Variants in THSD7B observed in about 807,000 individuals in gnomAD.
THSD7B encodes the protein thrombospondin type-1 domain-containing protein 7B.
Under a neutral mutation model 213.6 loss-of-function variants are expected in THSD7B, and 138 were observed. The observed-to-expected ratio is 0.65, with a 90% CI of 0.56 to 0.74. The LOEUF is 0.74. Among genes scored for constraint, THSD7B ranks in the 30% least tolerant of loss-of-function variants. The probability of loss-of-function intolerance (pLI) is 0.00; values close to 1 mark genes in which losing one functional copy is unlikely to be tolerated. For missense variants in THSD7B, 1,931 were observed against 1,991.5 expected (o/e 0.97, Z 0.58); for synonymous variants, 742 against 687.0 (o/e 1.08, Z -1.25).
chr2:137,542,853 T>C (rs1205087400), intron 15 of THSD7B, among the ~76,000 whole-genome samples: 1 of 151,720 alleles, frequency 6.6e-6, no homozygotes, highest in Non-Finnish European at 1.5e-5. Flanking sequence ...AGCCTGAAAA[T>C]ACACCAAAAC....
chr2:137,062,749 A>G (rs577033462), intron 3 of THSD7B, among the ~76,000 whole-genome samples: 1 of 151,930 alleles, frequency 6.6e-6, no homozygotes, highest in Admixed American at 6.6e-5. Context: ...TGAATATTTT[A>G]TGTGAACTCG....
At chr2:137,057,742 C>T (rs965833569) in intron 3 of THSD7B, among the ~76,000 whole-genome samples, 3 of 152,096 alleles carry the variant, frequency 2.0e-5, no homozygotes, top group Non-Finnish European at 4.4e-5. Flanking sequence ...AGCAATAATA[C>T]CGAAAAGTTG....
intron 12 of THSD7B, among the ~76,000 whole-genome samples, chr2:137,294,372 C>G (rs1275112428): frequency 6.6e-6 from 1 of 151,850 alleles, no homozygotes; most frequent in Non-Finnish European, 1.5e-5. Flanking sequence ...CACCTGAGGT[C>G]AAGAGTTCGA....
chr2:137,663,575 G>A lies in THSD7B; in HGVS notation c.4651G>A (p.Asp1551Asn). ...ATGGTCTCTTCAACCACTTGATCCA[G>A]GTGAGTTTCAGTTGTGAGTAAGAAA... The part of the protein sequence containing the change: ...KGWSLQPLDP[D>N]GRVKIWVYGV... The change falls in exon 26 of 28, where the codon GAT (aspartate) becomes AAT (asparagine). Residue 1551 changes from aspartate to asparagine, a missense_variant and splice_region_variant. Transcript: ENST00000409968. 4 of 1,601,282 alleles carry A rather than the reference G, an allele frequency of 2.5e-6. No individual in the cohort carries two copies. Among genetic ancestry groups the A allele is most frequent in the East Asian group, 4.5e-5 (2 of 44,606 alleles).
At chr2:136,874,211 G>A (rs1162544582) in intron 1 of THSD7B, among the ~76,000 whole-genome samples, 1 of 152,152 alleles carries the variant, frequency 6.6e-6, no homozygotes, top group Non-Finnish European at 1.5e-5. Context: ...GGAAACAACC[G>A]ACTATCTTTG....
At chr2:137,205,069 T>G (rs1680954218) in intron 7 of THSD7B, among the ~76,000 whole-genome samples, 1 of 152,086 alleles carries the variant, frequency 6.6e-6, no homozygotes, top group Non-Finnish European at 1.5e-5. Context: ...ATTTCTTTGT[T>G]GACTCCAGGT....
chr2:137,107,534 C>A lies in THSD7B; in HGVS notation c.1200-7590C>A, dbSNP rs576981805. ...CATGTATCCCAGAATTTGAAGTATA[C>A]CACTAATAACAAAAGTAGAGGAGTC... is the stretch of plus-strand genomic sequence containing the variant. On this transcript the variant is annotated intron_variant, in intron 4 of 27. Coordinates refer to ENST00000409968, the MANE Select transcript of THSD7B (RefSeq NM_001316349.2). Among the ~76,000 whole-genome samples, 14 of 152,160 alleles carry A rather than the reference C, an allele frequency of 9.2e-5. 1 individual carries two copies. In the South Asian group the frequency reaches 2.7e-3, roughly 29 times the overall value.
At chr2:137,571,855 A>G (rs1397975618) in intron 16 of THSD7B, among the ~76,000 whole-genome samples, 1 of 152,128 alleles carries the variant, frequency 6.6e-6, no homozygotes, top group African/African-American at 2.4e-5. Flanking sequence ...ACTGAAATGC[A>G]GAAGTTACCT....
chr2:137,077,652 G>A (rs913770267), intron 3 of THSD7B, among the ~76,000 whole-genome samples: 52 of 151,976 alleles, frequency 3.4e-4, no homozygotes, highest in African/African-American at 9.9e-4. Flanking sequence ...CATATCCTTC[G>A]CCCACTTTTT....
chr2:136,822,107 C>A (rs1433077120), intron 1 of THSD7B, among the ~76,000 whole-genome samples: 1 of 152,224 alleles, frequency 6.6e-6, no homozygotes, highest in East Asian at 1.9e-4. Context: ...CATAATTGTA[C>A]GATGACTTGG....
At chr2:137,069,463 T>C (rs542376709) in intron 3 of THSD7B, among the ~76,000 whole-genome samples, 2 of 152,140 alleles carry the variant, frequency 1.3e-5, no homozygotes, top group Non-Finnish European at 1.5e-5. Flanking sequence ...TCAATGGGTT[T>C]TACTTTTACT....
chr2:137,178,661 C>T (rs1680402332), intron 7 of THSD7B, among the ~76,000 whole-genome samples: 1 of 152,134 alleles, frequency 6.6e-6, no homozygotes, highest in Non-Finnish European at 1.5e-5. Context: ...CAGAGTTTCC[C>T]CATCCACATT....
In THSD7B at chr2:137,394,420, T is replaced by G. The variant is rs550715398; in HGVS notation, c.2501-11193T>G. Among the ~76,000 whole-genome samples the G allele has an allele frequency of 1.4e-4, 19 of 138,960 alleles. 4 individuals carry two copies. The South Asian group carries it at 4.2e-3, about 31-fold the overall frequency. The allele number at this position is 138,960 out of a possible 152,430, so 91.2% of individuals were successfully genotyped here. A position where few individuals can be genotyped will look rare whatever the true frequency, so the allele number is the denominator to read the frequency against. On this transcript the variant is annotated intron_variant, in intron 12 of 27. Transcript: ENST00000409968. ...CCAGCACTGTTTATTAAATAGGGAA[T>G]CCTTTCCCCATTGCTTGTTTTTCTC...
rs1263784231 is a variant in THSD7B, at chr2:137,405,777, G to A, written c.2665G>A (p.Ala889Thr). 1 of 1,613,060 alleles carries A rather than the reference G, an allele frequency of 6.2e-7. No individual in the cohort carries two copies. Among genetic ancestry groups the A allele is most frequent in the Non-Finnish European group, 8.5e-7 (1 of 1,179,520 alleles). ...KFTPCSTNCE[A>T]TKSRRRQLTG... Reference sequence around the variant, plus strand: ...TACGCCCTGCTCCACGAACTGTGAAGCCACAAAAAGTAGGCGGCGACAGCT... The same window carrying A: ...TACGCCCTGCTCCACGAACTGTGAAACCACAAAAAGTAGGCGGCGACAGCT... The change falls in exon 13 of 28, where the codon GCC becomes ACC. Residue 889 changes from alanine to threonine, a missense_variant. Physicochemically the swap from Ala to Thr is moderately conservative, Grantham distance 58 (BLOSUM62 0). Transcript: ENST00000409968.
In THSD7B at chr2:137,663,527, A is replaced by G. The variant is rs1344660208; in HGVS notation, c.4603A>G (p.Lys1535Glu). 1 of 1,609,160 alleles carries G rather than the reference A, an allele frequency of 6.2e-7. No individual in the cohort carries two copies. The highest frequency in any genetic ancestry group is 1.1e-5 in the South Asian group (1 of 89,800). Residue 1535 changes from lysine (K) to glutamate (E), a missense_variant, in exon 26 of 28, where the codon AAA becomes GAA. Lys to Glu is a moderately conservative substitution (Grantham distance 56, BLOSUM62 1). Transcript: ENST00000409968. ...TGGGAAAAACAGACCTGTGAATTCA[A>G]AAATACATGATATTTTTAAAGGATG... ...LSGKNRPVNS[K>E]IHDIFKGWSL...
At chr2:136,907,639 A>G (rs917189309) in intron 2 of THSD7B, among the ~76,000 whole-genome samples, 2 of 152,246 alleles carry the variant, frequency 1.3e-5, no homozygotes, top group Non-Finnish European at 2.9e-5. Context: ...AGAAGTGAAC[A>G]TCCATTCAGT....
intron 16 of THSD7B, among the ~76,000 whole-genome samples, chr2:137,569,665 C>T (rs1251102302): frequency 6.6e-6 from 1 of 151,672 alleles, no homozygotes; most frequent in Non-Finnish European, 1.5e-5. Context: ...TTGGTGTTTC[C>T]CTTTGAAGGT....
At chr2:137,228,146 GTT>G (rs34200711) in intron 7 of THSD7B, among the ~76,000 whole-genome samples, 136 of 119,022 alleles carry the variant, frequency 1.1e-3, no homozygotes, top group African/African-American at 3.7e-3. Context: ...CTGTGCAGCT[GTT>G]TTTTTTTTTT....
At chr2:136,789,842 CTT>C in intron 1 of THSD7B, among the ~76,000 whole-genome samples, 1 of 152,196 alleles carries the variant, frequency 6.6e-6, no homozygotes, top group African/African-American at 2.4e-5. Flanking sequence ...ACCACAAACT[CTT>C]TGTGGAGGGG....
Sources: allele counts gnomAD v4.1 joint callset (sites outside exome capture counted in the v4.1 genomes callset), GRCh38; gene constraint gnomAD v4.1.1; transcripts MANE v1.5; gene names NCBI Gene and HGNC (gene_info 2026-07-23, HGNC 2026-07-21).